The following NAALADL2 variants were observed in gnomAD, a reference collection of about 807,000 sequenced individuals.
NAALADL2 encodes the protein N-acetylated alpha-linked acidic dipeptidase like 2.
NAALADL2 carries 76 observed loss-of-function variants against 87.2 expected under a neutral mutation model. That is an observed-to-expected ratio of 0.87 (90% CI 0.72 to 1.05). The LOEUF is 1.05. Ranked by LOEUF, NAALADL2 falls within the 50% of genes least tolerant of loss-of-function variation. The pLI is 0.00. For missense variants in NAALADL2, 1,089 were observed against 945.8 expected (o/e 1.15, Z -1.99); for synonymous variants, 354 against 331.0 (o/e 1.07, Z -0.75).
chr3:175,544,736 A>T (rs1249485020), intron 9 of NAALADL2, among the ~76,000 whole-genome samples: 4 of 151,960 alleles, frequency 2.6e-5, no homozygotes, highest in African/African-American at 9.7e-5. Context: ...TCCTTTTTAT[A>T]CCGTCTAAGC....
intron 11 of NAALADL2, among the ~76,000 whole-genome samples, chr3:175,729,968 T>G (rs1743454242): frequency 6.6e-6 from 1 of 152,098 alleles, no homozygotes; most frequent in Non-Finnish European, 1.5e-5. Flanking sequence ...GTATAAACTA[T>G]GGTTACTTTA....
At chr3:174,538,701 T>TA (rs1393807298) in intron 1 of NAALADL2, among the ~76,000 whole-genome samples, 2 of 152,112 alleles carry the variant, frequency 1.3e-5, no homozygotes, top group Non-Finnish European at 2.9e-5. Context: ...ATCTGCATAA[T>TA]AAAAACCTTG....
intron 9 of NAALADL2, among the ~76,000 whole-genome samples, chr3:175,523,405 C>T (rs1173597681): frequency 6.6e-6 from 1 of 152,162 alleles, no homozygotes; most frequent in African/African-American, 2.4e-5. Flanking sequence ...TCATATTCTG[C>T]CCCTTTCTAC....
chr3:175,282,910 T>C (rs574781816), intron 4 of NAALADL2, among the ~76,000 whole-genome samples: 8 of 148,262 alleles, frequency 5.4e-5, no homozygotes, highest in East Asian at 1.9e-4. Flanking sequence ...CTTTCTGTCT[T>C]CTTTTTTTTT....
chr3:175,203,757 G>C (rs763495425), intron 2 of NAALADL2, among the ~76,000 whole-genome samples: 1 of 152,096 alleles, frequency 6.6e-6, no homozygotes, highest in Non-Finnish European at 1.5e-5. Flanking sequence ...AAAGAAACAG[G>C]AGATATTACA....
chr3:175,447,282 A>T lies in NAALADL2; in HGVS notation c.1144A>T (p.Ile382Phe). ...CCTCACCTCTCTATTAGTGCAGCCC[A>T]TCTCTGCACCCCTCGTTGCAAAACT... ...SNLTSLLVQP[I>F]SAPLVAKLIS... Residue 382 changes from isoleucine (I) to phenylalanine (F), a missense_variant, in exon 6 of 14, where the codon ATC (isoleucine) becomes TTC (phenylalanine). Ile to Phe is a conservative substitution (Grantham distance 21). Coordinates refer to ENST00000454872, the MANE Select transcript of NAALADL2 (RefSeq NM_207015.3). 1.2e-6 allele frequency: 2 copies of T among 1,605,742 alleles called. No homozygotes were observed. Among genetic ancestry groups the T allele is most frequent in the Non-Finnish European group, 1.7e-6 (2 of 1,174,328 alleles).
At chr3:175,392,305 A>T (rs1015625677) in intron 5 of NAALADL2, among the ~76,000 whole-genome samples, 3 of 152,068 alleles carry the variant, frequency 2.0e-5, no homozygotes, top group Non-Finnish European at 4.4e-5. Context: ...TGGTCTACAA[A>T]TTTTTTTTGT....
intron 12 of NAALADL2, 44 bp from the exon 13 acceptor site, chr3:175,755,176 C>T (rs1185378568): frequency 1.3e-6 from 2 of 1,548,190 alleles, no homozygotes; most frequent in African/African-American, 1.4e-5. Context: ...ATTTTGCTCC[C>T]TTGAGAATGT....
intron 5 of NAALADL2, among the ~76,000 whole-genome samples, chr3:175,442,126 G>A: frequency 1.3e-5 from 2 of 151,936 alleles, no homozygotes; most frequent in Non-Finnish European, 2.9e-5. Context: ...TGTAATTTCA[G>A]TAGAGATGGG....
rs564531620 is a variant in NAALADL2, at chr3:174,602,891, T to A, written c.-115+52254T>A. ...TGTATCAATTGAAATGATCATATGG[T>A]TTTTATTCTTCATTCTGTTGATGTA... On this transcript the variant is annotated intron_variant, in intron 2 of 3. Transcript: ENST00000434257. Among the ~76,000 whole-genome samples, 17 of 152,178 alleles carry A rather than the reference T, an allele frequency of 1.1e-4. No homozygotes were observed. In the East Asian group the frequency reaches 3.3e-3, roughly 29 times the overall value.
intron 2 of NAALADL2, among the ~76,000 whole-genome samples, chr3:175,106,211 A>T (rs1723134202): frequency 7.5e-6 from 1 of 132,878 alleles, no homozygotes; most frequent in Non-Finnish European, 1.6e-5. Flanking sequence ...AGTCTATCTG[A>T]TGTAAAGCAT....
intron 3 of NAALADL2, among the ~76,000 whole-genome samples, chr3:174,771,850 C>T (rs562066917): frequency 1.2e-4 from 19 of 152,238 alleles, no homozygotes; most frequent in African/African-American, 4.3e-4. Flanking sequence ...TAGGGTAAAA[C>T]TGACAATGAC....
intron 4 of NAALADL2, among the ~76,000 whole-genome samples, chr3:175,310,013 A>G (rs1230524320): frequency 1.3e-5 from 2 of 152,198 alleles, no homozygotes; most frequent in Admixed American, 6.5e-5. Flanking sequence ...CAGAAAAACA[A>G]GTAGACAAAT....
At chr3:175,560,767 A>T (rs1716139110) in intron 9 of NAALADL2, among the ~76,000 whole-genome samples, 1 of 152,128 alleles carries the variant, frequency 6.6e-6, no homozygotes, top group Admixed American at 6.5e-5. Flanking sequence ...GATTACAGGC[A>T]CGCGCCATCA....
At chr3:175,309,777 C>G (rs533707863) in intron 4 of NAALADL2, among the ~76,000 whole-genome samples, 2 of 152,002 alleles carry the variant, frequency 1.3e-5, no homozygotes, top group African/African-American at 4.8e-5. Context: ...TTGCATATTA[C>G]GTAGCATTTT....
intron 1 of NAALADL2, among the ~76,000 whole-genome samples, chr3:174,892,672 C>A (rs1011755773): frequency 1.3e-5 from 2 of 151,806 alleles, no homozygotes; most frequent in Admixed American, 6.6e-5. Flanking sequence ...GCCTGTAATC[C>A]CAGCACTTAG....
At chr3:174,460,758 T>C (rs1055739802) in intron 1 of NAALADL2, among the ~76,000 whole-genome samples, 1 of 152,112 alleles carries the variant, frequency 6.6e-6, no homozygotes, top group African/African-American at 2.4e-5. Flanking sequence ...CATTTCTCTG[T>C]TGTTGAACAC....
chr3:175,222,314 A>G (rs1350312269), intron 2 of NAALADL2, among the ~76,000 whole-genome samples: 2 of 152,176 alleles, frequency 1.3e-5, no homozygotes, highest in Admixed American at 6.6e-5. Context: ...TTAGCCTTCT[A>G]TTTGTGCTTT....
At chr3:175,131,658 T>C (rs375159067) in intron 2 of NAALADL2, among the ~76,000 whole-genome samples, 3 of 152,122 alleles carry the variant, frequency 2.0e-5, no homozygotes, top group Admixed American at 1.3e-4. Context: ...AGCTGTTGGG[T>C]ACACCTCCCA....
Sources: allele counts gnomAD v4.1 joint callset (sites outside exome capture counted in the v4.1 genomes callset), GRCh38; gene constraint gnomAD v4.1.1; transcripts MANE v1.5; gene names NCBI Gene and HGNC (gene_info 2026-07-23, HGNC 2026-07-21).